Variants in SCOC observed in about 807,000 individuals in gnomAD.
The protein encoded by SCOC is short coiled coil protein.
Under a neutral mutation model 9.9 loss-of-function variants are expected in SCOC, and 7 were observed. The observed-to-expected ratio is 0.71, with a 90% CI of 0.40 to 1.33. The LOEUF is 1.33. Among genes scored for constraint, SCOC ranks in the 40% most tolerant of loss-of-function variants. SCOC has a pLI of 0.01. For missense variants in SCOC, 66 were observed against 89.7 expected (o/e 0.74, Z 1.07); for synonymous variants, 19 against 28.2 (o/e 0.67, Z 1.03).
chr4:140,277,038 T>G (rs1489520484), intron 1 of SCOC, among the ~76,000 whole-genome samples: 1 of 152,198 alleles, frequency 6.6e-6, no homozygotes, highest in African/African-American at 2.4e-5. Context: ...AAAAGAAAGT[T>G]CTTGTGAATT....
chr4:140,267,359 T>C (rs926591475), intron 1 of SCOC, among the ~76,000 whole-genome samples: 1 of 152,136 alleles, frequency 6.6e-6, no homozygotes, highest in Admixed American at 6.5e-5. Context: ...GAACGTGAGC[T>C]AGGGGTGGAT....
intron 2 of SCOC, chr4:140,343,831 A>C (rs1726599071): frequency 5.2e-6 from 3 of 580,738 alleles, no homozygotes; most frequent in Non-Finnish European, 8.5e-6. Context: ...ACTTGAAAAA[A>C]TATAGTTACA....
At chr4:140,363,259 C>T (rs1224081053) in intron 2 of SCOC, among the ~76,000 whole-genome samples, 1 of 152,202 alleles carries the variant, frequency 6.6e-6, no homozygotes, top group Non-Finnish European at 1.5e-5. Flanking sequence ...CTTCCGCCAG[C>T]ATTCATGAAA....
upstream of SCOC, among the ~76,000 whole-genome samples, chr4:140,371,036 C>A (rs1277123329): frequency 6.6e-6 from 1 of 152,062 alleles, no homozygotes; most frequent in African/African-American, 2.4e-5. Context: ...CAGGCGCCCG[C>A]CACCACGCCC....
At chr4:140,309,407 GC>G (rs1452127144) in intron 1 of SCOC, among the ~76,000 whole-genome samples, 1 of 152,162 alleles carries the variant, frequency 6.6e-6, no homozygotes, top group Non-Finnish European at 1.5e-5. Flanking sequence ...TGGGAAGTGT[GC>G]TGGAGAAGTG....
At chr4:140,339,515 C>T (rs139478486), upstream of SCOC, among the ~76,000 whole-genome samples, 7,397 of 152,264 alleles carry the variant, frequency 0.049, 238 homozygotes, top group Middle Eastern at 0.12. Flanking sequence ...GAACAGGCAA[C>T]CTACGGAATG....
intron 1 of SCOC, among the ~76,000 whole-genome samples, chr4:140,288,197 C>G (rs1244962982): frequency 6.6e-6 from 1 of 151,946 alleles, no homozygotes; most frequent in African/African-American, 2.4e-5. Context: ...ATGACCTACA[C>G]CACACATCAC....
At chr4:140,353,538 G>A (rs1727074906) in intron 2 of SCOC, among the ~76,000 whole-genome samples, 1 of 151,910 alleles carries the variant, frequency 6.6e-6, no homozygotes, top group South Asian at 2.1e-4. Flanking sequence ...ATCCTCCTGA[G>A]TAGCTGGGAT....
intron 1 of SCOC, chr4:140,314,689 G>T (rs374242152): frequency 2.6e-5 from 4 of 152,220 alleles, no homozygotes; most frequent in Admixed American, 2.6e-4. Context: ...TAAATCTTAA[G>T]GGGAGAGGGA....
At chr4:140,274,931 A>C (rs1405351072) in intron 1 of SCOC, among the ~76,000 whole-genome samples, 1 of 152,132 alleles carries the variant, frequency 6.6e-6, no homozygotes, top group Non-Finnish European at 1.5e-5. Context: ...AAAGGGTGTT[A>C]ATCTTTCTTG....
At chr4:140,308,962 C>T (rs374831359) in intron 1 of SCOC, among the ~76,000 whole-genome samples, 5 of 152,262 alleles carry the variant, frequency 3.3e-5, no homozygotes, top group East Asian at 1.9e-4. Context: ...TGTTTTTGCT[C>T]ACGCCCAGTT....
At chr4:140,264,459 C>G (rs772083037) in intron 1 of SCOC, among the ~76,000 whole-genome samples, 1 of 152,116 alleles carries the variant, frequency 6.6e-6, no homozygotes, top group Non-Finnish European at 1.5e-5. Flanking sequence ...GACCTTCATA[C>G]GTATAAAGAT....
At chr4:140,281,995 C>T (rs997481989) in intron 1 of SCOC, among the ~76,000 whole-genome samples, 2 of 152,142 alleles carry the variant, frequency 1.3e-5, no homozygotes, top group African/African-American at 2.4e-5. Flanking sequence ...TAATCATCAT[C>T]GACCAAATAG....
Position 140,384,870 on chromosome 4 carries a change from A to G in SCOC, c.*3766A>G, listed in dbSNP as rs1728657867. 6.6e-6 allele frequency: 1 copy of G among 152,108 alleles called. No homozygotes were observed. Among genetic ancestry groups the G allele is most frequent in the Non-Finnish European group, 1.5e-5 (1 of 68,040 alleles). 9.4% of individuals were successfully genotyped at this position (152,108 alleles called of 1,614,324 possible). On this transcript the variant is annotated 3_prime_UTR_variant, in exon 4 of 4. Coordinates refer to ENST00000608372, the MANE Select transcript of SCOC (RefSeq NM_001153484.2). ...TAGGAGGTGGGGCTTTTGGGAGATA[A>G]TTAGGTAATGAGGGTGAAACCCTCA...
At chr4:140,304,038 A>G (rs573679944) in intron 1 of SCOC, among the ~76,000 whole-genome samples, 35 of 152,296 alleles carry the variant, frequency 2.3e-4, no homozygotes, top group Admixed American at 5.2e-4. Context: ...TCATTGTATC[A>G]TTTGAGAGAT....
upstream of SCOC, among the ~76,000 whole-genome samples, chr4:140,339,612 C>T (rs1474865148): frequency 6.6e-6 from 1 of 152,122 alleles, no homozygotes; most frequent in East Asian, 1.9e-4. Flanking sequence ...AAGAAAAAAA[C>T]AAACAACCCC....
intron 1 of SCOC, among the ~76,000 whole-genome samples, chr4:140,257,942 A>C (rs889376599): frequency 2.0e-5 from 3 of 152,240 alleles, no homozygotes; most frequent in African/African-American, 7.2e-5. Flanking sequence ...GAACAAGCAC[A>C]GGCGGAATTG....
chr4:140,265,448 A>G (rs1730712381), intron 1 of SCOC, among the ~76,000 whole-genome samples: 1 of 152,254 alleles, frequency 6.6e-6, no homozygotes, highest in Non-Finnish European at 1.5e-5. Context: ...TTGAACAATG[A>G]ACAATTTGCA....
chr4:140,365,955 C>T (rs1395661726), intron 2 of SCOC, among the ~76,000 whole-genome samples: 1 of 152,120 alleles, frequency 6.6e-6, no homozygotes, highest in Non-Finnish European at 1.5e-5. Flanking sequence ...GGTATTGGCA[C>T]CTCCTAAGCC....
Sources: gnomAD v4.1 joint callset for allele counts (sites outside exome capture counted in the v4.1 genomes callset) on GRCh38, gnomAD v4.1.1 for gene constraint, MANE v1.5 for transcripts, NCBI Gene and HGNC (gene_info 2026-07-23, HGNC 2026-07-21) for gene names.